TRAFD1: variants seen among roughly 807,000 people sequenced by gnomAD.
TRAFD1 encodes TRAF-type zinc finger domain-containing protein 1.
In TRAFD1, 38 loss-of-function variants were observed where a neutral mutation model predicts 65.3. That is an observed-to-expected ratio of 0.58 (90% CI 0.45 to 0.76). The LOEUF (loss-of-function observed/expected upper bound fraction) is 0.76. Among genes scored for constraint, TRAFD1 ranks in the 30% least tolerant of loss-of-function variants. The pLI is 0.00. For synonymous variants in TRAFD1, 223 were observed against 257.2 expected, an observed-to-expected ratio of 0.87 and a Z score of 1.27; for missense variants, 631 against 712.6, an observed-to-expected ratio of 0.89 and a Z score of 1.30.
intron 1 of TRAFD1, among the ~76,000 whole-genome samples, chr12:112,127,389 T>C (rs2079544485): frequency 6.6e-6 from 1 of 152,222 alleles, no homozygotes; most frequent in Admixed American, 6.5e-5. Context: ...TACCACTAAA[T>C]CGCTTTATCA....
At chr12:112,146,612 CCT>C (rs1270516856) in intron 7 of TRAFD1, among the ~76,000 whole-genome samples, 2 of 152,322 alleles carry the variant, frequency 1.3e-5, no homozygotes, top group Middle Eastern at 3.4e-3. Flanking sequence ...GCCTTCTGCC[CCT>C]GTCTCCTTAA....
At chr12:112,133,244 C>CT (rs2079575006) in intron 2 of TRAFD1, 1 of 152,198 alleles carries the variant, frequency 6.6e-6, no homozygotes, top group African/African-American at 2.4e-5. Flanking sequence ...TTTTGTACAG[C>CT]TTTACAGTGA....
chr12:112,147,815 C>T (rs1258384893), intron 7 of TRAFD1, among the ~76,000 whole-genome samples: 1 of 152,004 alleles, frequency 6.6e-6, no homozygotes, highest in Admixed American at 6.6e-5. Context: ...GGATTATAGC[C>T]AAGTGCCACC....
intron 7 of TRAFD1, among the ~76,000 whole-genome samples, chr12:112,147,587 C>A (rs1372134595): frequency 6.6e-6 from 1 of 151,928 alleles, no homozygotes; most frequent in Non-Finnish European, 1.5e-5. Context: ...TTAAAAAAAA[C>A]CATAAAAATA....
At chr12:112,141,716 CATT>C (rs928593028) in intron 5 of TRAFD1, among the ~76,000 whole-genome samples, 8 of 152,154 alleles carry the variant, frequency 5.3e-5, no homozygotes, top group African/African-American at 1.9e-4. Flanking sequence ...TTAATTCTCT[CATT>C]ATTTGAAGGT....
Position 112,152,974 on chromosome 12 carries a change from G to C in TRAFD1, c.*183G>C. On this transcript the variant is annotated 3_prime_UTR_variant, in exon 12 of 12. Coordinates refer to ENST00000412615, the MANE Select transcript of TRAFD1 (RefSeq NM_006700.3). This position sits in a 1 kb window ranked among gnomAD's most constrained non-coding sequence, Gnocchi z 5.0. ...GTGGGGGTTTGGGTTTGAGGGAAGG[G>C]AGCAGGGTGGCGGTTGAGGAACGCT... 12 of 609,012 alleles carry C rather than the reference G, an allele frequency of 2.0e-5. No homozygotes were observed. Among genetic ancestry groups the C allele is most frequent in the East Asian group, 5.8e-5 (2 of 34,242 alleles). 37.7% of individuals were successfully genotyped at this position (609,012 alleles called of 1,614,324 possible). A position where few individuals can be genotyped will look rare whatever the true frequency, so the allele number is the denominator to read the frequency against.
In TRAFD1 at chr12:112,152,382, G is replaced by T. The variant is rs368627797; in HGVS notation, c.1620-45G>T. The T allele has an allele frequency of 1.2e-6, 2 of 1,605,238 alleles. No homozygotes were observed. The highest frequency in any genetic ancestry group is 2.7e-5 in the African/African-American group (2 of 74,860). ...GTTCCCTCTGAGTTTGTTGACCTTT[G>T]CTCAGGGACACTTCAGGAGCTAGTT... On this transcript the variant is annotated intron_variant, in intron 10 of 11. Transcript: ENST00000412615. This position sits in a 1 kb window ranked among gnomAD's most constrained non-coding sequence, Gnocchi z 5.0.
Position 112,130,428 on chromosome 12 carries a change from C to T in TRAFD1, c.-12-83C>T, listed in dbSNP as rs924314969. ...AGGTTTGGGTGACAGTTTCTGTATACTAGTTTTTTATTTGTTTTTTTGCAT... is the reference window on the plus strand; with the variant it reads ...AGGTTTGGGTGACAGTTTCTGTATATTAGTTTTTTATTTGTTTTTTTGCAT... On this transcript the variant is annotated intron_variant, in intron 1 of 11. Coordinates refer to ENST00000412615, the MANE Select transcript of TRAFD1 (RefSeq NM_006700.3). The surrounding 1 kb of genome is among the most constrained non-coding windows in gnomAD (Gnocchi z 4.4). 22 of 1,052,108 alleles carry T rather than the reference C, an allele frequency of 2.1e-5. No homozygotes were observed. The highest frequency in any genetic ancestry group is 2.1e-4 in the African/African-American group (13 of 63,228). The allele number at this position is 1,052,108 out of a possible 1,614,324, so 65.2% of individuals were successfully genotyped here.
At chr12:112,149,921 C>CG (rs1566051888) in intron 9 of TRAFD1, 50 bp downstream of exon 9, 5 of 1,607,098 alleles carry the variant, frequency 3.1e-6, no homozygotes. Context: ...CTGCTGGCTC[C>CG]GGCCTGTTTA....
chr12:112,148,209 G>T lies in TRAFD1; in HGVS notation c.1063G>T (p.Gly355Cys). The part of the protein sequence containing the change: ...AASNQLDSLM[G>C]LSNSHPVEES... ...AAGTAACCAGTTAGACTCTTTGATGGGCCTGAGCAATTCACACCCTGTGGA... is the reference window on the plus strand; with the variant it reads ...AAGTAACCAGTTAGACTCTTTGATGTGCCTGAGCAATTCACACCCTGTGGA... Residue 355 changes from glycine (G) to cysteine (C), a missense_variant, in exon 8 of 12, where the codon GGC becomes TGC. Physicochemically the swap from Gly to Cys is radical, Grantham distance 159. Coordinates refer to ENST00000412615, the MANE Select transcript of TRAFD1 (RefSeq NM_006700.3). 1 of 1,614,092 alleles carries T rather than the reference G, an allele frequency of 6.2e-7. No individual in the cohort carries two copies. The highest frequency in any genetic ancestry group is 8.5e-7 in the Non-Finnish European group (1 of 1,180,018).
chr12:112,145,555 C>T, intron 6 of TRAFD1, 31 bp from the exon 7 acceptor site: 1 of 1,611,104 alleles, frequency 6.2e-7, no homozygotes, highest in Non-Finnish European at 8.5e-7. Flanking sequence ...TTTTGTTCAT[C>T]CTGAGTCTCA....
At position 112,142,140 on chromosome 12, in the gene TRAFD1, A is replaced by G; in HGVS notation, c.695A>G (p.Glu232Gly). Residue 232 changes from glutamate (E) to glycine (G), a missense_variant, in exon 6 of 12, where the codon GAG (glutamate) becomes GGG (glycine). Transcript: ENST00000412615. ...AATAGAGGCCAACAGCCCCCCAAAG[A>G]GGGTGGTGAAGAGAGTGCAAACTTG... is the stretch of plus-strand genomic sequence containing the variant. Reference protein sequence around the residue: ...ERNRGQQPPKEGGEESANLDF... With the variant: ...ERNRGQQPPKGGGEESANLDF... 1 of 1,613,694 alleles carries G rather than the reference A, an allele frequency of 6.2e-7. No homozygotes were observed. The highest frequency in any genetic ancestry group is 1.1e-5 in the South Asian group (1 of 91,052).
At chr12:112,146,329 C>G (rs1281834861) in intron 7 of TRAFD1, among the ~76,000 whole-genome samples, 1 of 150,606 alleles carries the variant, frequency 6.6e-6, no homozygotes, top group Admixed American at 6.6e-5. Flanking sequence ...GAGTTTAAGG[C>G]CAGCCTGGGC....
In TRAFD1 at chr12:112,149,763, C is replaced by A; in HGVS notation, c.1171C>A (p.Gln391Lys). The change falls in exon 9 of 12, where the codon CAA (glutamine) becomes AAA (lysine). Residue 391 changes from glutamine to lysine, a missense_variant. By Grantham distance (53) the Gln-to-Lys change is moderately conservative. Coordinates refer to ENST00000412615, the MANE Select transcript of TRAFD1 (RefSeq NM_006700.3). ...TTTTCTTGTTTAGGACCAGTGTGAC[C>A]AACGCCCAGCCACTGCAACCAACCA... is the stretch of plus-strand genomic sequence containing the variant. ...VLFHHQDQCDQRPATATNHVT... is the reference protein window; with the variant it reads ...VLFHHQDQCDKRPATATNHVT... 6.2e-7 allele frequency: 1 copy of A among 1,614,088 alleles called. No homozygotes were observed. The highest frequency in any genetic ancestry group is 8.5e-7 in the Non-Finnish European group (1 of 1,179,988).
rs1162541862 is a variant in TRAFD1 at position 112,140,871 on chromosome 12, T to A, written c.290T>A (p.Leu97His). 6.2e-7 allele frequency: 1 copy of A among 1,614,194 alleles called. No homozygotes were observed. The highest frequency in any genetic ancestry group is 1.3e-5 in the African/African-American group (1 of 75,022). ...GTCTGCCAGCACTGTGATTTAGAAC[T>A]TTCCATTCTCAAACTGAAGGAACAT... ...LAVCQHCDLE[L>H]SILKLKEHED... Residue 97 changes from leucine to histidine, a missense_variant, in exon 5 of 12, where the codon CTT becomes CAT. Transcript: ENST00000412615.
At chr12:112,145,873 C>T (rs1329890949) in intron 7 of TRAFD1, among the ~76,000 whole-genome samples, 1 of 152,028 alleles carries the variant, frequency 6.6e-6, no homozygotes, top group Non-Finnish European at 1.5e-5. Context: ...TTTGTAGGGA[C>T]ATGGATGAAA....
intron 5 of TRAFD1, among the ~76,000 whole-genome samples, chr12:112,141,693 C>T (rs549060283): frequency 1.6e-4 from 25 of 152,246 alleles, no homozygotes; most frequent in Non-Finnish European, 2.9e-4. Flanking sequence ...GTGCTTTATA[C>T]GTATTAACTC....
At chr12:112,135,276 C>T (rs769784734) in intron 4 of TRAFD1, among the ~76,000 whole-genome samples, 4 of 152,140 alleles carry the variant, frequency 2.6e-5, no homozygotes, top group Admixed American at 6.6e-5. Flanking sequence ...TTGAGACTCG[C>T]GAAGTATCTC....
chr12:112,130,526 G>C lies in TRAFD1; in HGVS notation c.4G>C (p.Ala2Pro). 1 of 1,612,930 alleles carries C rather than the reference G, an allele frequency of 6.2e-7. No homozygotes were observed. The highest frequency in any genetic ancestry group is 8.5e-7 in the Non-Finnish European group (1 of 1,179,408). M[A>P]EFLDDQETRL... The stretch of plus-strand genomic sequence containing the variant: ...TGGTTTTCAGGAAGAGCTAAAGATG[G>C]CTGAATTTCTAGATGACCAGGAAAC... Residue 2 changes from alanine to proline, a missense_variant, in exon 2 of 12, where the codon GCT (alanine) becomes CCT (proline). Physicochemically the swap from Ala to Pro is conservative, Grantham distance 27 (BLOSUM62 -1). Transcript: ENST00000412615. The surrounding 1 kb of genome is among the most constrained non-coding windows in gnomAD (Gnocchi z 4.4).
Sources: allele counts gnomAD v4.1 joint callset (sites outside exome capture counted in the v4.1 genomes callset), GRCh38; gene constraint gnomAD v4.1.1; non-coding constraint Gnocchi (gnomAD v3.1); transcripts MANE v1.5; gene names NCBI Gene and HGNC (gene_info 2026-07-23, HGNC 2026-07-21).